Variants in DPF3 observed in about 807,000 individuals in gnomAD.
DPF3 encodes the protein double PHD fingers 3.
In DPF3, 18 loss-of-function variants were observed where a neutral mutation model predicts 56.8. The ratio of observed to expected loss-of-function variants is 0.32; its 90% confidence interval spans 0.22 to 0.47. The LOEUF is 0.47. Ranked by LOEUF, DPF3 falls within the 20% of genes least tolerant of loss-of-function variation. The pLI, the probability that DPF3 is intolerant of heterozygous loss-of-function variation, is 1.00. For synonymous variants in DPF3, 188 were observed against 180.2 expected (o/e 1.04, Z -0.35); for missense variants, 403 against 488.8 (o/e 0.82, Z 1.65).
intron 8 of DPF3, chr14:72,662,843 G>A (rs2153569431): frequency 1.0e-6 from 1 of 984,482 alleles, no homozygotes; most frequent in South Asian, 4.7e-5. Flanking sequence ...ACTGCAGAGG[G>A]AAAGGCAATG....
At chr14:72,815,455 A>G (rs1883244056) in intron 1 of DPF3, among the ~76,000 whole-genome samples, 1 of 152,254 alleles carries the variant, frequency 6.6e-6, no homozygotes, top group Non-Finnish European at 1.5e-5. Flanking sequence ...ATATACAATT[A>G]TATTTTCATT....
rs558499251 is a variant in DPF3, at chr14:72,822,365, C to T, written c.33-50472G>A. 6.6e-5 allele frequency among the ~76,000 whole-genome samples: 10 copies of T among 152,090 alleles called. No homozygotes were observed. In the South Asian group the frequency reaches 2.1e-3, roughly 32 times the overall value. On this transcript the variant is annotated intron_variant, in intron 1 of 10. Transcript: ENST00000556509. ...CTCCACTGCATTCCAGCCTGGGCAA[C>T]AAGAGTGAAACTCCATCTCAAAAAA...
At chr14:72,745,619 G>A (rs2139885862) in intron 3 of DPF3, among the ~76,000 whole-genome samples, 1 of 152,244 alleles carries the variant, frequency 6.6e-6, no homozygotes, top group South Asian at 2.1e-4. Context: ...GTTGCAATGT[G>A]TAAAAAAGAG....
intron 1 of DPF3, among the ~76,000 whole-genome samples, chr14:72,865,099 T>TGAG (rs1885610045): frequency 6.6e-6 from 1 of 152,144 alleles, no homozygotes; most frequent in Non-Finnish European, 1.5e-5. Flanking sequence ...GGCAGTAGAA[T>TGAG]GGTCAGGAGG....
intron 3 of DPF3, among the ~76,000 whole-genome samples, chr14:72,747,353 C>G (rs745339914): frequency 1.1e-4 from 17 of 152,292 alleles, no homozygotes; most frequent in Admixed American, 3.9e-4. Flanking sequence ...ATAACCCCAG[C>G]CAGCTAATCT....
intron 7 of DPF3, among the ~76,000 whole-genome samples, chr14:72,681,289 G>A (rs1175851275): frequency 1.3e-5 from 2 of 152,224 alleles, no homozygotes; most frequent in Non-Finnish European, 2.9e-5. Flanking sequence ...GGGCACAGAA[G>A]AAGTGGGAAG....
chr14:72,704,686 A>G (rs956585326), intron 6 of DPF3, among the ~76,000 whole-genome samples: 2 of 152,016 alleles, frequency 1.3e-5, no homozygotes, highest in Non-Finnish European at 2.9e-5. Flanking sequence ...CACTCCCAAA[A>G]TTACTTCCCC....
At chr14:72,780,740 G>A (rs775930295) in intron 1 of DPF3, among the ~76,000 whole-genome samples, 11 of 152,100 alleles carry the variant, frequency 7.2e-5, no homozygotes, top group Non-Finnish European at 1.6e-4. Context: ...ATGCTACCCT[G>A]CAAGGTGCCA....
chr14:72,809,352 C>T (rs1208627564), intron 1 of DPF3, among the ~76,000 whole-genome samples: 4 of 152,278 alleles, frequency 2.6e-5, no homozygotes, highest in African/African-American at 7.2e-5. Context: ...CTGCCAACAC[C>T]AGGCCTGGTC....
chr14:72,626,092 C>A lies in DPF3; in HGVS notation c.984+3532G>T, dbSNP rs536807683. Among the ~76,000 whole-genome samples, 505 of 152,242 alleles carry A rather than the reference C, an allele frequency of 3.3e-3. 1 individual carries two copies. Among genetic ancestry groups the A allele is most frequent in the Non-Finnish European group, 5.7e-3 (389 of 67,984 alleles). On this transcript the variant is annotated intron_variant, in intron 9 of 10. Coordinates refer to ENST00000556509, the MANE Select transcript of DPF3 (RefSeq NM_001280542.3). ...TCGGTATAGTTACATTATCTATTTA[C>A]GTTATACTGTTTATTTGTTACTGTT...
chr14:72,879,865 T>C, intron 1 of DPF3: 1 of 1,535,544 alleles, frequency 6.5e-7, no homozygotes, highest in African/African-American at 1.4e-5. Flanking sequence ...GTGAACCCCA[T>C]AAAACCATAG....
intron 2 of DPF3, among the ~76,000 whole-genome samples, chr14:72,769,675 T>C (rs1362624978): frequency 2.8e-5 from 3 of 107,208 alleles, no homozygotes; most frequent in Non-Finnish European, 3.4e-5. Context: ...TGAGACTCCA[T>C]CTCAAAAAAA....
chr14:72,665,908 A>T (rs1484304914), intron 8 of DPF3, among the ~76,000 whole-genome samples: 2 of 152,232 alleles, frequency 1.3e-5, no homozygotes, highest in Non-Finnish European at 2.9e-5. Context: ...TTTCAGAAGT[A>T]AATTTTTTAA....
At chr14:72,784,721 G>A (rs996288612) in intron 1 of DPF3, among the ~76,000 whole-genome samples, 2 of 152,192 alleles carry the variant, frequency 1.3e-5, no homozygotes, top group African/African-American at 2.4e-5. Flanking sequence ...CACTTTGGGA[G>A]GCCAAGGTGG....
intron 1 of DPF3, among the ~76,000 whole-genome samples, chr14:72,893,601 G>A (rs1174756351): frequency 6.6e-6 from 1 of 151,860 alleles, no homozygotes; most frequent in Non-Finnish European, 1.5e-5. Context: ...GGCGGGGCGG[G>A]GGCCGCGGGC....
In DPF3 at chr14:72,704,898, A is replaced by G. The variant is rs370990757; in HGVS notation, c.604+9525T>C. On this transcript the variant is annotated intron_variant, in intron 6 of 10. Coordinates refer to ENST00000556509, the MANE Select transcript of DPF3 (RefSeq NM_001280542.3). ...CACTGCTGCTATCACCACCATCCAGATTTCATGTCTTCTCCTAGCTGACTA... is the reference window on the plus strand; with the variant it reads ...CACTGCTGCTATCACCACCATCCAGGTTTCATGTCTTCTCCTAGCTGACTA... Among the ~76,000 whole-genome samples, 16 of 151,984 alleles carry G rather than the reference A, an allele frequency of 1.1e-4. No individual in the cohort carries two copies. In the East Asian group the frequency reaches 2.7e-3, roughly 26 times the overall value.
At chr14:72,770,040 T>C (rs1168529200) in intron 2 of DPF3, among the ~76,000 whole-genome samples, 2 of 152,162 alleles carry the variant, frequency 1.3e-5, no homozygotes, top group Non-Finnish European at 2.9e-5. Flanking sequence ...AGTCCTGGAT[T>C]GAATATTAAC....
rs536440339 is a variant in DPF3, at chr14:72,755,512, C to T, written c.194-2141G>A. ...TCCTAACACCTTTCTGAGCCTATTG[C>T]CTCACCTGTAAGATAAGGGCATTGA... is the stretch of plus-strand genomic sequence containing the variant. On this transcript the variant is annotated intron_variant, in intron 2 of 10. Coordinates refer to ENST00000556509, the MANE Select transcript of DPF3 (RefSeq NM_001280542.3). Among the ~76,000 whole-genome samples, 7 of 152,254 alleles carry T rather than the reference C, an allele frequency of 4.6e-5. No homozygotes were observed. In the South Asian group the frequency reaches 6.2e-4, roughly 14 times the overall value.
In DPF3 at chr14:72,838,908, C is replaced by CTTTTTTTTTTTTTTTTTTTTTT. The variant is rs376458640; in HGVS notation, c.32+55127_32+55148dup. The stretch of plus-strand genomic sequence containing the variant: ...TATCATATATATTATCATATATATT[C>CTTTTTTTTTTTTTTTTTTTTTT]TTTTTTTTTTTTTTTTTTTTTTTTT... On this transcript the variant is annotated intron_variant, in intron 1 of 10. Transcript: ENST00000556509. 7.6e-5 allele frequency among the ~76,000 whole-genome samples: 6 copies of CTTTTTTTTTTTTTTTTTTTTTT among 78,584 alleles called. 1 individual carries two copies. The highest frequency in any genetic ancestry group is 3.5e-4 in the African/African-American group (5 of 14,408). 51.6% of individuals were successfully genotyped at this position (78,584 alleles called of 152,430 possible).
Sources: allele counts gnomAD v4.1 joint callset (sites outside exome capture counted in the v4.1 genomes callset), GRCh38; gene constraint gnomAD v4.1.1; transcripts MANE v1.5; gene names NCBI Gene and HGNC (gene_info 2026-07-23, HGNC 2026-07-21).